PPFIA2: variants seen among roughly 807,000 people sequenced by gnomAD.
PPFIA2 encodes the protein PPFI scaffold protein A2, also known as liprin-alpha-2.
PPFIA2 carries 46 observed loss-of-function variants against 175.5 expected under a neutral mutation model. The observed-to-expected ratio is 0.26, with a 90% CI of 0.21 to 0.34. PPFIA2 has a LOEUF of 0.34. Ranked by LOEUF, PPFIA2 falls within the 10% of genes least tolerant of loss-of-function variation. The pLI is 1.00. For synonymous variants in PPFIA2, 568 were observed against 511.4 expected (o/e 1.11, Z -1.49); for missense variants, 1,179 against 1,506.1 (o/e 0.78, Z 3.60).
intron 8 of PPFIA2, among the ~76,000 whole-genome samples, chr12:81,384,767 T>C (rs2038552903): frequency 6.6e-6 from 1 of 152,158 alleles, no homozygotes; most frequent in South Asian, 2.1e-4. Context: ...GCTGTGAATC[T>C]GACCTAGCTG....
At chr12:81,358,547 T>G (rs931837027) in intron 15 of PPFIA2, among the ~76,000 whole-genome samples, 2 of 152,190 alleles carry the variant, frequency 1.3e-5, no homozygotes, top group Admixed American at 1.3e-4. Context: ...GGTTAAATTC[T>G]GGCAATTTAG....
intron 4 of PPFIA2, among the ~76,000 whole-genome samples, chr12:81,524,146 G>T (rs1313590032): frequency 6.6e-6 from 1 of 152,204 alleles, no homozygotes; most frequent in East Asian, 1.9e-4. Context: ...TGCCATGAGG[G>T]TGGGGTCACT....
intron 6 of PPFIA2, among the ~76,000 whole-genome samples, 192 bp from the exon 7 acceptor site, chr12:81,440,238 C>G (rs17008573): frequency 1.3e-5 from 2 of 152,092 alleles, no homozygotes; most frequent in South Asian, 4.1e-4. Context: ...GTCACTGTAT[C>G]AAGGGATTTC....
intron 7 of PPFIA2, among the ~76,000 whole-genome samples, chr12:81,413,243 CA>C (rs919514782): frequency 2.8e-4 from 41 of 148,918 alleles, no homozygotes; most frequent in Non-Finnish European, 4.8e-4. Context: ...TGTAGAATGT[CA>C]AAAAAAATGA....
At chr12:81,639,489 C>T (rs189244479) in intron 4 of PPFIA2, among the ~76,000 whole-genome samples, 46 of 152,112 alleles carry the variant, frequency 3.0e-4, no homozygotes, top group Admixed American at 5.2e-4. Flanking sequence ...ATGACTCAAA[C>T]ACACACATTC....
At chr12:81,517,478 G>A (rs765530932) in intron 4 of PPFIA2, among the ~76,000 whole-genome samples, 8 of 152,116 alleles carry the variant, frequency 5.3e-5, no homozygotes, top group African/African-American at 9.7e-5. Flanking sequence ...AGTTGCTGAC[G>A]AGGTGCCGAG....
intron 4 of PPFIA2, among the ~76,000 whole-genome samples, chr12:81,583,151 C>A (rs1004670082): frequency 4.6e-5 from 7 of 151,822 alleles, no homozygotes; most frequent in Admixed American, 1.3e-4. Flanking sequence ...CTTCCAATTG[C>A]ACCTTGACTC....
At chr12:81,482,152 G>A (rs1044078425) in intron 4 of PPFIA2, among the ~76,000 whole-genome samples, 4 of 152,048 alleles carry the variant, frequency 2.6e-5, no homozygotes, top group African/African-American at 9.7e-5. Context: ...CATCATCACT[G>A]TTCATTAAAG....
chr12:81,315,135 C>T (rs1189885961), intron 22 of PPFIA2, among the ~76,000 whole-genome samples: 3 of 151,788 alleles, frequency 2.0e-5, no homozygotes, highest in Non-Finnish European at 3.0e-5. Context: ...AATGTAAACT[C>T]ATCAGCAGAA....
intron 4 of PPFIA2, among the ~76,000 whole-genome samples, chr12:81,619,888 G>A (rs996210055): frequency 2.6e-5 from 4 of 152,034 alleles, no homozygotes; most frequent in Non-Finnish European, 5.9e-5. Flanking sequence ...GGCCAGGCGC[G>A]GTGGCTCACG....
intron 4 of PPFIA2, among the ~76,000 whole-genome samples, chr12:81,585,451 T>G (rs2075169487): frequency 6.6e-6 from 1 of 151,922 alleles, no homozygotes; most frequent in Non-Finnish European, 1.5e-5. Flanking sequence ...GACAAAAATA[T>G]TTTCTTTCTT....
chr12:81,649,346 T>C (rs2066659410), intron 4 of PPFIA2, among the ~76,000 whole-genome samples: 2 of 152,088 alleles, frequency 1.3e-5, no homozygotes, highest in East Asian at 1.9e-4. Flanking sequence ...TAACAAGAAA[T>C]GGAAAGTGCA....
rs1407968415 is a variant in PPFIA2, at chr12:81,642,717, T to TG, written c.303+34073_303+34074insC. On this transcript the variant is annotated intron_variant, in intron 4 of 32. Coordinates refer to ENST00000549396, the MANE Select transcript of PPFIA2 (RefSeq NM_003625.5). The stretch of plus-strand genomic sequence containing the variant: ...ACATACATGTATATGTATGTATGTA[T>TG]TATATACATACATGTATATGTATGT... Among the ~76,000 whole-genome samples, 2 of 89,994 alleles carry TG rather than the reference T, an allele frequency of 2.2e-5. 1 individual carries two copies. The highest frequency in any genetic ancestry group is 7.7e-5 in the African/African-American group (2 of 25,890). The allele number at this position is 89,994 out of a possible 152,430, so 59.0% of individuals were successfully genotyped here. A position where few individuals can be genotyped will look rare whatever the true frequency, so the allele number is the denominator to read the frequency against.
At chr12:81,638,844 C>T (rs1478488660) in intron 4 of PPFIA2, among the ~76,000 whole-genome samples, 1 of 150,466 alleles carries the variant, frequency 6.6e-6, no homozygotes, top group South Asian at 2.1e-4. Flanking sequence ...CCCGCCACTA[C>T]GCCCGGCTAA....
intron 4 of PPFIA2, among the ~76,000 whole-genome samples, chr12:81,499,928 C>T (rs530409367): frequency 1.3e-5 from 2 of 152,200 alleles, no homozygotes; most frequent in South Asian, 4.1e-4. Context: ...CTCTCCAAAA[C>T]GCCACTCTTC....
intron 2 of PPFIA2, among the ~76,000 whole-genome samples, chr12:81,755,710 G>T (rs950269128): frequency 1.3e-5 from 2 of 152,100 alleles, no homozygotes; most frequent in East Asian, 3.9e-4. Context: ...AAATTAAGGG[G>T]GTCATTGAAC....
At chr12:81,458,990 A>G (rs1015740181) in intron 4 of PPFIA2, among the ~76,000 whole-genome samples, 2 of 152,170 alleles carry the variant, frequency 1.3e-5, no homozygotes, top group African/African-American at 4.8e-5. Flanking sequence ...AATAAAAAGT[A>G]AATGAATATG....
At chr12:81,368,468 A>G (rs1458611254) in intron 13 of PPFIA2, among the ~76,000 whole-genome samples, 1 of 151,810 alleles carries the variant, frequency 6.6e-6, no homozygotes, top group Non-Finnish European at 1.5e-5. Context: ...ATAAAAGCAC[A>G]GCATATTTTA....
At chr12:81,348,243 A>G (rs115235023) in intron 17 of PPFIA2, among the ~76,000 whole-genome samples, 68 of 152,162 alleles carry the variant, frequency 4.5e-4, no homozygotes, top group African/African-American at 1.6e-3. Flanking sequence ...ATTGAATCTT[A>G]CCTCCTACCT....
Sources: gnomAD v4.1 joint callset for allele counts (sites outside exome capture counted in the v4.1 genomes callset) on GRCh38, gnomAD v4.1.1 for gene constraint, MANE v1.5 for transcripts, NCBI Gene and HGNC (gene_info 2026-07-23, HGNC 2026-07-21) for gene names.